The following ZNF644 variants were observed in gnomAD, a reference collection of about 807,000 sequenced individuals.
The protein encoded by ZNF644 is zinc finger protein 644.
A neutral mutation model predicts 108.0 loss-of-function variants in ZNF644; 20 were observed. The ratio of observed to expected loss-of-function variants is 0.19; its 90% CI spans 0.13 to 0.27. ZNF644 has a LOEUF of 0.27. Ranked by LOEUF, ZNF644 falls within the 10% of genes least tolerant of loss-of-function variation. The pLI is 1.00. For synonymous variants in ZNF644, 542 were observed against 539.1 expected, an observed-to-expected ratio of 1.01 and a Z score of -0.08; for missense variants, 1,338 against 1,548.9, an observed-to-expected ratio of 0.86 and a Z score of 2.29.
In ZNF644 at chr1:91,017,759, C is replaced by T. The variant is rs552865322; in HGVS notation, c.-18+4231G>A. Among the ~76,000 whole-genome samples the T allele has an allele frequency of 3.3e-5, 5 of 152,154 alleles. No individual in the cohort carries two copies. The South Asian group carries it at 1.0e-3, about 32-fold the overall frequency. On this transcript the variant is annotated intron_variant, in intron 1 of 5. Transcript: ENST00000337393. Reference sequence around the variant, plus strand: ...GGTGAATCACCTGAGGTCAGGAGTTCGAGACCAGCCTGGCCAACATGATGA... The same window carrying T: ...GGTGAATCACCTGAGGTCAGGAGTTTGAGACCAGCCTGGCCAACATGATGA...
chr1:90,981,606 T>C (rs1287236575), intron 2 of ZNF644, among the ~76,000 whole-genome samples: 1 of 152,090 alleles, frequency 6.6e-6, no homozygotes, highest in African/African-American at 2.4e-5. Flanking sequence ...TGAAGCCATA[T>C]TCACTTACCA....
At chr1:90,932,949 T>G (rs1650908936) in intron 4 of ZNF644, among the ~76,000 whole-genome samples, 1 of 152,188 alleles carries the variant, frequency 6.6e-6, no homozygotes, top group African/African-American at 2.4e-5. Context: ...TTCCTAGTAC[T>G]TCTAATATTT....
intron 1 of ZNF644, among the ~76,000 whole-genome samples, chr1:91,010,987 C>A (rs543692784): frequency 5.3e-5 from 8 of 152,176 alleles, no homozygotes; most frequent in Non-Finnish European, 1.0e-4. Context: ...TTTTTTTCTA[C>A]ATAGTCAGTT....
rs757075173 is a variant in ZNF644, at chr1:90,982,259, G to C, written c.44+51C>G. On this transcript the variant is annotated intron_variant, in intron 2 of 5. Transcript: ENST00000337393. ...CACATTTTTAAGACATAATTTTTTT[G>C]TATTATTCCTACCTTGATATGTACA... The C allele has an allele frequency of 4.2e-6, 6 of 1,442,346 alleles. No individual in the cohort carries two copies. The African/African-American group carries it at 8.4e-5, about 20-fold the overall frequency. 89.3% of individuals were successfully genotyped at this position (1,442,346 alleles called of 1,614,324 possible).
At chr1:90,975,935 A>G (rs1315663763) in intron 2 of ZNF644, among the ~76,000 whole-genome samples, 1 of 152,188 alleles carries the variant, frequency 6.6e-6, no homozygotes, top group Non-Finnish European at 1.5e-5. Flanking sequence ...TCACAGTATC[A>G]TTTATTTCTT....
intron 1 of ZNF644, among the ~76,000 whole-genome samples, chr1:91,019,787 G>C (rs142498604): frequency 1.3e-5 from 2 of 152,046 alleles, no homozygotes; most frequent in African/African-American, 4.8e-5. Flanking sequence ...GGATGGTCTC[G>C]ATCTCTTGAC....
chr1:90,922,254 T>G (rs1285971129), intron 4 of ZNF644, among the ~76,000 whole-genome samples: 1 of 152,170 alleles, frequency 6.6e-6, no homozygotes, highest in African/African-American at 2.4e-5. Context: ...AAGTCTTGTT[T>G]AATCCATTTC....
chr1:90,924,037 T>G (rs955807952), intron 4 of ZNF644, among the ~76,000 whole-genome samples: 1 of 152,162 alleles, frequency 6.6e-6, no homozygotes, highest in African/African-American at 2.4e-5. Flanking sequence ...TAAAGGGTAT[T>G]TTGAGCAAGT....
chr1:91,010,230 C>T (rs1440339109), intron 1 of ZNF644, among the ~76,000 whole-genome samples: 2 of 145,838 alleles, frequency 1.4e-5, no homozygotes, highest in African/African-American at 5.0e-5. Flanking sequence ...ATTCTCATGT[C>T]TGTGCCTTTT....
rs554614259 is a variant in ZNF644, at chr1:91,007,414, A to C, written c.-18+14576T>G. On this transcript the variant is annotated intron_variant, in intron 1 of 5. Transcript: ENST00000337393. ...TTTTTAGCAGAGACAGGGTTTTACC[A>C]TGTTGGCCAGGCTGTTCTTGAATTC... 5.9e-5 allele frequency among the ~76,000 whole-genome samples: 9 copies of C among 151,826 alleles called. No individual in the cohort carries two copies. The South Asian group carries it at 1.7e-3, about 28-fold the overall frequency.
At chr1:91,009,157 G>C (rs993297655) in intron 1 of ZNF644, among the ~76,000 whole-genome samples, 7 of 152,108 alleles carry the variant, frequency 4.6e-5, no homozygotes, top group African/African-American at 1.7e-4. Flanking sequence ...GAAAGACTTA[G>C]TGCCAGCAGA....
intron 2 of ZNF644, among the ~76,000 whole-genome samples, chr1:90,963,559 C>T (rs771367370): frequency 6.6e-6 from 1 of 152,016 alleles, no homozygotes; most frequent in African/African-American, 2.4e-5. Context: ...TTATTCAGCC[C>T]AAACCTCCTA....
chr1:90,969,378 T>C, intron 2 of ZNF644, among the ~76,000 whole-genome samples: 1 of 152,236 alleles, frequency 6.6e-6, no homozygotes, highest in Non-Finnish European at 1.5e-5. Context: ...AATAAATTTC[T>C]ATTGTTTAGG....
At chr1:90,976,190 C>G (rs754679097) in intron 2 of ZNF644, among the ~76,000 whole-genome samples, 6 of 152,086 alleles carry the variant, frequency 3.9e-5, no homozygotes, top group Non-Finnish European at 8.8e-5. Context: ...GGTCAAAATT[C>G]TATTCTTTTT....
chr1:90,959,337 T>C lies in ZNF644; in HGVS notation c.45-18028A>G, dbSNP rs552438011. Among the ~76,000 whole-genome samples the C allele has an allele frequency of 4.6e-5, 7 of 152,276 alleles. No homozygotes were observed. In the South Asian group the frequency reaches 1.2e-3, roughly 27 times the overall value. On this transcript the variant is annotated intron_variant, in intron 2 of 5. Transcript: ENST00000337393. The stretch of plus-strand genomic sequence containing the variant: ...GGGATAATAAGTATGGATAATAAGT[T>C]TGGCAGTTCCTAAAAGAGTTGAGCT...
At chr1:90,958,662 C>T (rs766159000) in intron 2 of ZNF644, among the ~76,000 whole-genome samples, 3 of 152,090 alleles carry the variant, frequency 2.0e-5, no homozygotes, top group Non-Finnish European at 2.9e-5. Flanking sequence ...AGAAATAAGC[C>T]CAATCGTCTA....
chr1:90,940,328 T>C lies in ZNF644; in HGVS notation c.1026A>G (p.Leu342=), dbSNP rs979941645. The part of the protein sequence containing the change: ...LQAVDSQKYA[L]SKVKPESTDE... ...CAGTTGATTCAGGCTTCACTTTTGA[T>C]AATGCATATTTCTGTGAGTCTACTG... Residue 342 remains leucine (L), a synonymous_variant, in exon 3 of 6, where the codon TTA becomes TTG. Coordinates refer to ENST00000337393, the MANE Select transcript of ZNF644 (RefSeq NM_201269.3). 1.9e-6 allele frequency: 3 copies of C among 1,613,950 alleles called. No individual in the cohort carries two copies. Among genetic ancestry groups the C allele is most frequent in the Admixed American group, 1.7e-5 (1 of 60,016 alleles).
chr1:90,964,610 A>G (rs1376429918), intron 2 of ZNF644, among the ~76,000 whole-genome samples: 1 of 152,156 alleles, frequency 6.6e-6, no homozygotes, highest in East Asian at 1.9e-4. Flanking sequence ...ATTGCATACA[A>G]TGTGATTCAT....
intron 1 of ZNF644, among the ~76,000 whole-genome samples, chr1:91,007,357 G>A (rs1330958136): frequency 6.0e-5 from 9 of 149,994 alleles, no homozygotes; most frequent in African/African-American, 2.2e-4. Context: ...GGGATTACGG[G>A]TGCATACCAA....
Sources: gnomAD v4.1 joint callset for allele counts (sites outside exome capture counted in the v4.1 genomes callset) on GRCh38, gnomAD v4.1.1 for gene constraint, MANE v1.5 for transcripts, NCBI Gene and HGNC (gene_info 2026-07-23, HGNC 2026-07-21) for gene names.